Variants in PLEKHG1 observed in about 807,000 individuals in gnomAD.
The protein encoded by PLEKHG1 is pleckstrin homology domain-containing family G member 1.
In PLEKHG1, 44 loss-of-function variants were observed where a neutral mutation model predicts 100.8. That is an observed-to-expected ratio of 0.44 (90% CI 0.34 to 0.56). The LOEUF (loss-of-function observed/expected upper bound fraction) is 0.56, where lower values mean the gene tolerates loss of function less well. PLEKHG1 is among the 20% of genes least tolerant of loss of function. The pLI, the probability that PLEKHG1 is intolerant of heterozygous loss-of-function variation, is 0.01. For synonymous variants in PLEKHG1, 640 were observed against 662.5 expected (o/e 0.97, Z 0.52); for missense variants, 1,545 against 1,720.9 (o/e 0.90, Z 1.81).
chr6:150,806,223 CTTTTTTTTT>C (rs58040509), intron 7 of PLEKHG1, among the ~76,000 whole-genome samples: 10 of 89,782 alleles, frequency 1.1e-4, no homozygotes, highest in African/African-American at 2.4e-4. Context: ...TTCCAGGCTG[CTTTTTTTTT>C]TTTTTTTTTT....
chr6:150,765,941 A>G (rs1784433966), intron 2 of PLEKHG1, among the ~76,000 whole-genome samples: 1 of 152,188 alleles, frequency 6.6e-6, no homozygotes, highest in Admixed American at 6.5e-5. Flanking sequence ...CCCACTTCCC[A>G]TACTTTGAAT....
intron 11 of PLEKHG1, among the ~76,000 whole-genome samples, chr6:150,819,355 A>G (rs1391407983): frequency 1.3e-5 from 2 of 152,050 alleles, no homozygotes; most frequent in South Asian, 2.1e-4. Flanking sequence ...ACCTGAGGTC[A>G]GGAGTTCAAG....
At chr6:150,820,692 C>T (rs1160355640) in intron 12 of PLEKHG1, among the ~76,000 whole-genome samples, 1 of 151,994 alleles carries the variant, frequency 6.6e-6, no homozygotes, top group Admixed American at 6.6e-5. Flanking sequence ...TGGTGAAACC[C>T]TATCTCTACT....
intron 3 of PLEKHG1, among the ~76,000 whole-genome samples, chr6:150,713,002 A>G (rs1413978016): frequency 1.3e-5 from 2 of 152,254 alleles, no homozygotes; most frequent in Non-Finnish European, 2.9e-5. Context: ...GCTGCTTCAC[A>G]GCACTCATCA....
intron 3 of PLEKHG1, among the ~76,000 whole-genome samples, chr6:150,660,989 G>A (rs142831961): frequency 6.6e-6 from 1 of 152,288 alleles, no homozygotes; most frequent in African/African-American, 2.4e-5. Context: ...CCTTTGGATG[G>A]GCCCTTTCCA....
chr6:150,716,082 TG>T (rs1409494361), intron 3 of PLEKHG1, among the ~76,000 whole-genome samples: 1 of 137,146 alleles, frequency 7.3e-6, no homozygotes, highest in Non-Finnish European at 1.5e-5. Flanking sequence ...CACTCCAGCC[TG>T]GGCGACAGAG....
chr6:150,760,202 T>C (rs1415739245), intron 2 of PLEKHG1, among the ~76,000 whole-genome samples: 2 of 152,214 alleles, frequency 1.3e-5, no homozygotes, highest in Non-Finnish European at 2.9e-5. Context: ...AGTTTCTTAT[T>C]TTCAGATGCG....
intron 3 of PLEKHG1, among the ~76,000 whole-genome samples, chr6:150,656,628 C>G (rs1380510176): frequency 2.6e-5 from 4 of 152,166 alleles, no homozygotes; most frequent in Non-Finnish European, 5.9e-5. Context: ...TAATTTTAAA[C>G]TACTTTACTA....
At chr6:150,710,096 G>A (rs929803803) in intron 3 of PLEKHG1, among the ~76,000 whole-genome samples, 1 of 152,132 alleles carries the variant, frequency 6.6e-6, no homozygotes, top group Non-Finnish European at 1.5e-5. Context: ...AGCATAATTC[G>A]TTAGGTTTAC....
At chr6:150,792,686 ACAAC>A (rs926798713) in intron 4 of PLEKHG1, among the ~76,000 whole-genome samples, 5 of 151,728 alleles carry the variant, frequency 3.3e-5, no homozygotes, top group African/African-American at 1.2e-4. Flanking sequence ...AACAACAACA[ACAAC>A]AAAAAAAAAC....
At chr6:150,700,392 A>G (rs2128598323) in intron 3 of PLEKHG1, among the ~76,000 whole-genome samples, 1 of 152,148 alleles carries the variant, frequency 6.6e-6, no homozygotes, top group African/African-American at 2.4e-5. Flanking sequence ...GCCCCACCAA[A>G]TCAGAGACCT....
At chr6:150,700,753 C>T (rs73608736) in intron 3 of PLEKHG1, among the ~76,000 whole-genome samples, 7,301 of 152,166 alleles carry the variant, frequency 0.048, 575 homozygotes, top group African/African-American at 0.17. Context: ...GTGCTTTGAG[C>T]TCTTCATCCA....
At chr6:150,759,896 G>C (rs139591936) in intron 2 of PLEKHG1, among the ~76,000 whole-genome samples, 68 of 152,184 alleles carry the variant, frequency 4.5e-4, no homozygotes, top group African/African-American at 1.6e-3. Flanking sequence ...TACTGGGAAG[G>C]CTGAGGCGGG....
At chr6:150,828,208 T>A (rs1776721769) in intron 14 of PLEKHG1, 2 of 1,613,794 alleles carry the variant, frequency 1.2e-6, no homozygotes, top group Non-Finnish European at 1.7e-6. Context: ...ATTGGTCCTC[T>A]GAGTGTTTGG....
chr6:150,804,726 C>T (rs573717818), exon 7 of PLEKHG1: 17 of 1,613,686 alleles, frequency 1.1e-5, no homozygotes, highest in South Asian at 5.5e-5. Context: ...AACACGAGCA[C>T]GCGGTCCGGT....
chr6:150,721,525 G>A (rs1186446100), intron 1 of PLEKHG1, among the ~76,000 whole-genome samples: 1 of 152,144 alleles, frequency 6.6e-6, no homozygotes, highest in Non-Finnish European at 1.5e-5. Flanking sequence ...TCTGACTCTG[G>A]GGAGAACTCT....
At chr6:150,722,349 C>CTTTTTTTTTTTTTTTTTTT (rs139069069) in intron 1 of PLEKHG1, among the ~76,000 whole-genome samples, 3 of 90,678 alleles carry the variant, frequency 3.3e-5, no homozygotes, top group Non-Finnish European at 6.4e-5. Context: ...TTTTTCTTTT[C>CTTTTTTTTTTTTTTTTTTT]TTTTTTTTTT....
chr6:150,832,198 C>A (rs776272394), exon 15 of PLEKHG1: 2 of 1,590,804 alleles, frequency 1.3e-6, no homozygotes, highest in Non-Finnish European at 1.7e-6. Flanking sequence ...AAGGAGGGCC[C>A]GCCATTGGTA....
chr6:150,775,565 A>G (rs1188227513), intron 3 of PLEKHG1, among the ~76,000 whole-genome samples: 1 of 152,196 alleles, frequency 6.6e-6, no homozygotes, highest in African/African-American at 2.4e-5. Context: ...AACAGAGGCA[A>G]TAAGCCACAT....
Sources: gnomAD v4.1 joint callset for allele counts (sites outside exome capture counted in the v4.1 genomes callset) on GRCh38, gnomAD v4.1.1 for gene constraint, MANE v1.5 for transcripts, NCBI Gene and HGNC (gene_info 2026-07-23, HGNC 2026-07-21) for gene names.